VANGL1: variants seen among roughly 807,000 people sequenced by gnomAD.
The protein encoded by VANGL1 is VANGL planar cell polarity protein 1.
VANGL1 carries 18 observed loss-of-function variants against 48.4 expected under a neutral mutation model. That is an observed-to-expected ratio of 0.37 (90% CI 0.26 to 0.55). The LOEUF (loss-of-function observed/expected upper bound fraction) is 0.55. VANGL1 is among the 20% of genes least tolerant of loss of function. The pLI, the probability that VANGL1 is intolerant of heterozygous loss-of-function variation, is 0.81. For synonymous variants in VANGL1, 257 were observed against 261.8 expected, an observed-to-expected ratio of 0.98 and a Z score of 0.18; for missense variants, 667 against 675.8, an observed-to-expected ratio of 0.99 and a Z score of 0.14.
chr1:115,660,380 C>T (rs1242388041), intron 3 of VANGL1, among the ~76,000 whole-genome samples: 1 of 152,180 alleles, frequency 6.6e-6, no homozygotes, highest in African/African-American at 2.4e-5. Flanking sequence ...AACAGCAGCT[C>T]CGCAGCTCCA....
chr1:115,692,632 C>T lies in VANGL1; in HGVS notation c.*1253C>T, dbSNP rs1255695394. ...GGAGCCCATCTTGTCCAGAAAGATT[C>T]ATCTGTGGTCTGTCTGTTAAACACA... On this transcript the variant is annotated 3_prime_UTR_variant, in exon 8 of 8. Coordinates refer to ENST00000355485, the MANE Select transcript of VANGL1 (RefSeq NM_138959.3). 6.5e-6 allele frequency: 1 copy of T among 152,698 alleles called. No individual in the cohort carries two copies. Among genetic ancestry groups the T allele is most frequent in the East Asian group, 1.9e-4 (1 of 5,192 alleles). The allele number at this position is 152,698 out of a possible 1,614,324, so 9.5% of individuals were successfully genotyped here.
intron 2 of VANGL1, among the ~76,000 whole-genome samples, chr1:115,653,488 T>G (rs1437037799): frequency 1.3e-5 from 2 of 152,200 alleles, no homozygotes; most frequent in Non-Finnish European, 2.9e-5. Flanking sequence ...CACACCACAA[T>G]GACAGAAGTA....
chr1:115,675,570 C>A (rs1408169158), intron 4 of VANGL1, among the ~76,000 whole-genome samples: 3 of 152,016 alleles, frequency 2.0e-5, no homozygotes, highest in Non-Finnish European at 4.4e-5. Context: ...GAGGCCAAGG[C>A]AGGTGGATCA....
rs765588688 is a variant in VANGL1 at position 115,651,392 on chromosome 1, C to A, written c.-22C>A. 1 of 1,612,368 alleles carries A rather than the reference C, an allele frequency of 6.2e-7. No homozygotes were observed. On this transcript the variant is annotated 5_prime_UTR_variant, in exon 2 of 8. Coordinates refer to ENST00000355485, the MANE Select transcript of VANGL1 (RefSeq NM_138959.3). ...GGAGAAACAGTACCTGCTCCTTCCT[C>A]AAGCGCAAGCCCTCCATTGCTATGG...
chr1:115,686,102 C>A (rs111594701), intron 7 of VANGL1, among the ~76,000 whole-genome samples: 2 of 151,940 alleles, frequency 1.3e-5, no homozygotes, highest in Admixed American at 1.3e-4. Flanking sequence ...TGCCTTGTTG[C>A]CATATTCAAT....
chr1:115,643,531 T>G (rs1651811834), intron 1 of VANGL1, among the ~76,000 whole-genome samples: 1 of 152,228 alleles, frequency 6.6e-6, no homozygotes, highest in Non-Finnish European at 1.5e-5. Context: ...GCATTAAACA[T>G]TCCCAAACGT....
At position 115,690,204 on chromosome 1, in the gene VANGL1, C is replaced by G. The variant is rs1653780081; in HGVS notation, c.1315-915C>G. Among the ~76,000 whole-genome samples the G allele has an allele frequency of 2.0e-5, 3 of 151,920 alleles. 1 individual carries two copies. In the South Asian group the frequency reaches 6.2e-4, roughly 32 times the overall value. On this transcript the variant is annotated intron_variant, in intron 7 of 7. Coordinates refer to ENST00000355485, the MANE Select transcript of VANGL1 (RefSeq NM_138959.3). ...AAGTGTAGTGTGGGGAGCAGACATG[C>G]AAGTCAGCAATCACTTTGAAAGTAA...
chr1:115,652,285 G>A (rs1217372015), intron 2 of VANGL1, among the ~76,000 whole-genome samples: 2 of 152,206 alleles, frequency 1.3e-5, no homozygotes, highest in Admixed American at 1.3e-4. Context: ...TAGCAGGTGT[G>A]CACTGGTATT....
intron 7 of VANGL1, among the ~76,000 whole-genome samples, chr1:115,686,077 A>G (rs989148149): frequency 2.0e-5 from 3 of 152,062 alleles, no homozygotes; most frequent in Non-Finnish European, 4.4e-5. Flanking sequence ...TCTACTCTCT[A>G]CCATGCGATT....
chr1:115,651,078 C>G (rs190345487), intron 1 of VANGL1, among the ~76,000 whole-genome samples, 199 bp from the exon 2 acceptor site: 74 of 152,204 alleles, frequency 4.9e-4, no homozygotes, highest in African/African-American at 1.8e-3. Context: ...TGCTCAGCGC[C>G]TATCCTGTCT....
chr1:115,672,090 A>G (rs1413969221), intron 4 of VANGL1, among the ~76,000 whole-genome samples: 1 of 152,150 alleles, frequency 6.6e-6, no homozygotes, highest in Non-Finnish European at 1.5e-5. Context: ...TTGATAGAGA[A>G]TGGTGTCCTC....
Position 115,696,550 on chromosome 1 carries a change from A to T in VANGL1, c.*5171A>T, listed in dbSNP as rs912261302. 2.6e-5 allele frequency: 4 copies of T among 152,338 alleles called. No individual in the cohort carries two copies. The highest frequency in any genetic ancestry group is 3.4e-3 in the Middle Eastern group (1 of 294). The allele number at this position is 152,338 out of a possible 1,614,324, so 9.4% of individuals were successfully genotyped here. On this transcript the variant is annotated 3_prime_UTR_variant, in exon 8 of 8. Coordinates refer to ENST00000355485, the MANE Select transcript of VANGL1 (RefSeq NM_138959.3). The stretch of plus-strand genomic sequence containing the variant: ...ACAGTAAAGGGAAGATGGTGCTCAC[A>T]TCTCTCCATGTGACATCTCATTAGG...
At chr1:115,653,204 C>A (rs532904191) in intron 2 of VANGL1, among the ~76,000 whole-genome samples, 5 of 152,044 alleles carry the variant, frequency 3.3e-5, no homozygotes, top group Non-Finnish European at 4.4e-5. Context: ...AACATGTCAG[C>A]GAGCTTGTGC....
chr1:115,681,940 A>G (rs1354321791), intron 4 of VANGL1, among the ~76,000 whole-genome samples: 2 of 152,214 alleles, frequency 1.3e-5, no homozygotes, highest in African/African-American at 4.8e-5. Flanking sequence ...GACCTGAGAA[A>G]CCTGAATCTA....
intron 1 of VANGL1, among the ~76,000 whole-genome samples, chr1:115,647,257 A>G (rs1399651798): frequency 6.6e-6 from 1 of 152,106 alleles, no homozygotes; most frequent in Non-Finnish European, 1.5e-5. Flanking sequence ...CCTTTATATG[A>G]CTGTCCTATT....
At chr1:115,663,076 C>T (rs559632088) in intron 3 of VANGL1, among the ~76,000 whole-genome samples, 2 of 152,092 alleles carry the variant, frequency 1.3e-5, no homozygotes, top group Admixed American at 6.5e-5. Context: ...TGAGCCACCG[C>T]GCCCCAGTCC....
intron 3 of VANGL1, among the ~76,000 whole-genome samples, chr1:115,661,405 G>GT (rs1178409108): frequency 1.3e-5 from 2 of 151,912 alleles, no homozygotes; most frequent in South Asian, 2.1e-4. Context: ...AATTTTGCCT[G>GT]TTTTTGAATT....
At position 115,684,131 on chromosome 1, in the gene VANGL1, T is replaced by TATTC; in HGVS notation, c.1079+58_1079+59insCATT. The TATTC allele has an allele frequency of 2.8e-5, 36 of 1,290,490 alleles. No homozygotes were observed. In the South Asian group the frequency reaches 5.6e-4, roughly 20 times the overall value. The allele number at this position is 1,290,490 out of a possible 1,614,324, so 79.9% of individuals were successfully genotyped here. ...CTTACAGACTTTTAAATTTTTATTT[T>TATTC]ATTTATTTATTTATTTATTTATTTA... On this transcript the variant is annotated intron_variant, in intron 6 of 7. Coordinates refer to ENST00000355485, the MANE Select transcript of VANGL1 (RefSeq NM_138959.3).
At chr1:115,649,574 C>T (rs1225224974) in intron 1 of VANGL1, among the ~76,000 whole-genome samples, 1 of 152,238 alleles carries the variant, frequency 6.6e-6, no homozygotes, top group African/African-American at 2.4e-5. Flanking sequence ...CAGTGACTTT[C>T]GTTTACCTAG....
Sources: allele counts gnomAD v4.1 joint callset (sites outside exome capture counted in the v4.1 genomes callset), GRCh38; gene constraint gnomAD v4.1.1; transcripts MANE v1.5; gene names NCBI Gene and HGNC (gene_info 2026-07-23, HGNC 2026-07-21).